COL18A1: variants seen among roughly 807,000 people sequenced by gnomAD.
COL18A1 encodes the protein collagen alpha-1(XVIII) chain.
A neutral mutation model predicts 168.0 loss-of-function variants in COL18A1; 133 were observed. The observed-to-expected ratio is 0.79, with a 90% CI of 0.69 to 0.91. The LOEUF (loss-of-function observed/expected upper bound fraction) is 0.91, where lower values mean the gene tolerates loss of function less well. Ranked by LOEUF, COL18A1 falls within the 40% of genes least tolerant of loss-of-function variation. The probability of loss-of-function intolerance (pLI) is 0.00; values close to 1 mark genes in which losing one functional copy is unlikely to be tolerated. For synonymous variants in COL18A1, 949 were observed against 809.0 expected (o/e 1.17, Z -2.94); for missense variants, 2,126 against 1,925.4 (o/e 1.10, Z -1.95).
chr21:45,452,920 A>G (rs549303253), intron 2 of COL18A1, among the ~76,000 whole-genome samples: 22 of 150,260 alleles, frequency 1.5e-4, no homozygotes, highest in South Asian at 6.3e-4. Context: ...CATGTGTGTG[A>G]GTATTCACAT....
intron 20 of COL18A1, 62 bp from the exon 21 acceptor site, chr21:45,490,774 C>T: frequency 6.6e-7 from 1 of 1,515,740 alleles, no homozygotes; most frequent in Non-Finnish European, 9.0e-7. Flanking sequence ...AGCCATCCCT[C>T]ACGGGGGGCC....
At chr21:45,496,927 G>A (rs1024021333) in intron 30 of COL18A1, 123 bp from the exon 31 acceptor site, 1 of 733,302 alleles carries the variant, frequency 1.4e-6, no homozygotes, top group East Asian at 2.6e-5. Context: ...GTCTCTGACT[G>A]GGGGAGGCTG....
intron 2 of COL18A1, among the ~76,000 whole-genome samples, chr21:45,440,117 C>T (rs1014485383): frequency 1.3e-4 from 20 of 152,334 alleles, no homozygotes; most frequent in African/African-American, 4.3e-4. Context: ...CCCCGACGCT[C>T]GGGGATGTAA....
chr21:45,405,740 C>A (rs1375514487), intron 2 of COL18A1, among the ~76,000 whole-genome samples: 1 of 150,644 alleles, frequency 6.6e-6, no homozygotes, highest in Non-Finnish European at 1.5e-5. Context: ...CGAACCTCCG[C>A]GGCCGGCGGG....
chr21:45,447,195 TTATA>T (rs370444245), intron 2 of COL18A1, among the ~76,000 whole-genome samples: 5 of 149,964 alleles, frequency 3.3e-5, no homozygotes, highest in African/African-American at 9.8e-5. Flanking sequence ...AGGCCAGATC[TTATA>T]TATATATATA....
chr21:45,505,151 C>T lies in COL18A1; in HGVS notation c.2886C>T (p.Ser962=), dbSNP rs1035728200. 2.2e-5 allele frequency: 35 copies of T among 1,608,796 alleles called. No individual in the cohort carries two copies. Among genetic ancestry groups the T allele is most frequent in the Non-Finnish European group, 2.7e-5 (32 of 1,178,612 alleles). ...YPGIPGPKGE[S]IRGQPGPPGP... ...GTCCGTAGGGTCCCAAGGGAGAGAG[C>T]ATCCGGGGCCAGCCCGGCCCACCTG... is the stretch of plus-strand genomic sequence containing the variant. The change falls in exon 35 of 42, where the codon AGC becomes AGT. Residue 962 remains serine (S), a synonymous_variant. Transcript: ENST00000651438.
intron 2 of COL18A1, among the ~76,000 whole-genome samples, chr21:45,418,160 T>C (rs1202557383): frequency 6.6e-6 from 1 of 152,256 alleles, no homozygotes; most frequent in African/African-American, 2.4e-5. Context: ...GGGAGCCGGC[T>C]CTGACTCCGA....
rs371711667 is a variant in COL18A1, at chr21:45,418,196, T to C, written c.106+12723T>C. On this transcript the variant is annotated intron_variant, in intron 2 of 41. Transcript: ENST00000651438. ...GCTCTTTGTGGGCTGCATCTGCAGA[T>C]TGAGGACAGCGCTGAGCGGAGCTGG... 7.2e-5 allele frequency among the ~76,000 whole-genome samples: 11 copies of C among 152,334 alleles called. No homozygotes were observed. The East Asian group carries it at 2.1e-3, about 29-fold the overall frequency.
In COL18A1 at chr21:45,505,400, G is replaced by A. The variant is rs2085904948; in HGVS notation, c.3056G>A (p.Gly1019Glu). ...CCTCCGGGCCCCCCTGGGCCCCCTG[G>A]GCCCCCTGGAACCATGGGCGCCTCC... ...PGPPGPPGPP[G>E]PPGTMGASSG... Residue 1019 changes from glycine to glutamate, a missense_variant, in exon 36 of 42, where the codon GGG (glycine) becomes GAG (glutamate). Transcript: ENST00000651438. 2.5e-6 allele frequency: 4 copies of A among 1,588,802 alleles called. No individual in the cohort carries two copies. The highest frequency in any genetic ancestry group is 3.4e-6 in the Non-Finnish European group (4 of 1,162,892).
At position 45,509,180 on chromosome 21, in the gene COL18A1, A is replaced by G. The variant is rs9977704; in HGVS notation, c.3250-176A>G. Among the ~76,000 whole-genome samples the G allele has an allele frequency of 0.42, 63,990 of 151,686 alleles. 13,597 individuals are homozygous for G. Among genetic ancestry groups the G allele is most frequent in the East Asian group, 0.57 (2,924 of 5,136 alleles). On this transcript the variant is annotated intron_variant, in intron 38 of 41. Coordinates refer to ENST00000651438, the MANE Select transcript of COL18A1 (RefSeq NM_001379500.1). ...GCGATCCGGCGCCACGGCAGGCAGG[A>G]CTCCCCACCCTTGCTGCTGCCTACA...
At chr21:45,445,562 C>T (rs577962015) in intron 2 of COL18A1, among the ~76,000 whole-genome samples, 2 of 152,358 alleles carry the variant, frequency 1.3e-5, no homozygotes, top group African/African-American at 4.8e-5. Context: ...CACCATCTCA[C>T]GTCCCTTCCT....
chr21:45,486,060 C>T (rs1296970640), intron 15 of COL18A1, among the ~76,000 whole-genome samples: 9 of 152,222 alleles, frequency 5.9e-5, no homozygotes, highest in Admixed American at 6.5e-5. Context: ...CCCTCCCTCA[C>T]GCCCCCCACA....
In COL18A1 at chr21:45,452,872, A is replaced by G. The variant is rs12483461; in HGVS notation, c.107-15370A>G. On this transcript the variant is annotated intron_variant, in intron 2 of 41. Transcript: ENST00000651438. ...ATGTATGTGTGGGGCTTGTGTATGC[A>G]TGTGAGTATTCACATGTGACATGTG... 6.8e-3 allele frequency among the ~76,000 whole-genome samples: 1,033 copies of G among 151,640 alleles called. 7 individuals carry two copies. Among genetic ancestry groups the G allele is most frequent in the Non-Finnish European group, 0.01 (686 of 67,960 alleles).
At chr21:45,444,490 C>A (rs1042532805) in intron 2 of COL18A1, among the ~76,000 whole-genome samples, 2 of 152,118 alleles carry the variant, frequency 1.3e-5, no homozygotes, top group African/African-American at 4.8e-5. Context: ...GTAAAATGCA[C>A]ATGCCAGGAT....
chr21:45,485,678 C>G (rs545914788), intron 15 of COL18A1, among the ~76,000 whole-genome samples: 1 of 152,246 alleles, frequency 6.6e-6, no homozygotes, highest in African/African-American at 2.4e-5. Context: ...GCAGTGGAGA[C>G]CCAGACCTAG....
chr21:45,509,989 C>T (rs2037478890), intron 39 of COL18A1, 75 bp from the exon 40 acceptor site: 7 of 1,492,004 alleles, frequency 4.7e-6, no homozygotes, highest in South Asian at 3.6e-5. Flanking sequence ...GGTGCGGGGC[C>T]GGGGTGGTGC....
intron 2 of COL18A1, among the ~76,000 whole-genome samples, chr21:45,431,592 G>A (rs1005879947): frequency 2.6e-5 from 4 of 151,848 alleles, no homozygotes; most frequent in Admixed American, 6.6e-5. Flanking sequence ...GGTCAGGGGT[G>A]GAGGCCAGGC....
At position 45,505,412 on chromosome 21, in the gene COL18A1, C is replaced by A; in HGVS notation, c.3068C>A (p.Thr1023Asn). 1 of 1,568,002 alleles carries A rather than the reference C, an allele frequency of 6.4e-7. No individual in the cohort carries two copies. The highest frequency in any genetic ancestry group is 8.7e-7 in the Non-Finnish European group (1 of 1,146,558). ...CCTGGGCCCCCTGGGCCCCCTGGAA[C>A]CATGGGCGCCTCCTCAGGGGTAAGT... ...GPPGPPGPPG[T>N]MGASSGVRLW... The change falls in exon 36 of 42, where the codon ACC (threonine) becomes AAC (asparagine). Residue 1023 changes from threonine to asparagine, a missense_variant. Thr to Asn is a moderately conservative substitution (Grantham distance 65). Coordinates refer to ENST00000651438, the MANE Select transcript of COL18A1 (RefSeq NM_001379500.1).
Position 45,437,818 on chromosome 21 carries a change from ACACT to A in COL18A1, c.107-30420_107-30417del, listed in dbSNP as rs779235855. On this transcript the variant is annotated intron_variant, in intron 2 of 41. Coordinates refer to ENST00000651438, the MANE Select transcript of COL18A1 (RefSeq NM_001379500.1). ...CAGACACACAGGCACTCTCCTGCACACACTCACACTCAGACAAGCACTCTCCTGC... is the reference window on the plus strand; with the variant it reads ...CAGACACACAGGCACTCTCCTGCACACACACTCAGACAAGCACTCTCCTGC... 1.4e-3 allele frequency among the ~76,000 whole-genome samples: 95 copies of A among 69,928 alleles called. 14 individuals carry two copies. The highest frequency in any genetic ancestry group is 0.01 in the Admixed American group (82 of 7,948). The allele number at this position is 69,928 out of a possible 152,430, so 45.9% of individuals were successfully genotyped here.
Sources: gnomAD v4.1 joint callset for allele counts (sites outside exome capture counted in the v4.1 genomes callset) on GRCh38, gnomAD v4.1.1 for gene constraint, MANE v1.5 for transcripts, NCBI Gene and HGNC (gene_info 2026-07-23, HGNC 2026-07-21) for gene names.